DGKB: variants seen among roughly 807,000 people sequenced by gnomAD.
DGKB encodes the protein diacylglycerol kinase beta, also known as 90 kDa diacylglycerol kinase.
Under a neutral mutation model 114.3 loss-of-function variants are expected in DGKB, and 67 were observed. That is an observed-to-expected ratio of 0.59 (90% CI 0.48 to 0.72). The LOEUF is 0.72. Ranked by LOEUF, DGKB falls within the 30% of genes least tolerant of loss-of-function variation. The pLI, the probability that DGKB is intolerant of heterozygous loss-of-function variation, is 0.00. For missense variants in DGKB, 907 were observed against 975.2 expected (o/e 0.93, Z 0.93); for synonymous variants, 398 against 323.1 (o/e 1.23, Z -2.49).
chr7:14,853,866 TCAAAAAAAAAA>T (rs1849742376), intron 1 of DGKB, among the ~76,000 whole-genome samples: 1 of 24,678 alleles, frequency 4.1e-5, no homozygotes, highest in African/African-American at 1.8e-4. Context: ...AGACTCCGTC[TCAAAAAAAAAA>T]AAAAAAAAAA....
At chr7:14,230,062 T>C (rs1423425817) in intron 23 of DGKB, among the ~76,000 whole-genome samples, 1 of 152,006 alleles carries the variant, frequency 6.6e-6, no homozygotes, top group Non-Finnish European at 1.5e-5. Flanking sequence ...CATCCTTTTT[T>C]TCTACTGTTG....
intron 13 of DGKB, among the ~76,000 whole-genome samples, chr7:14,638,631 A>G (rs1478267031): frequency 1.3e-5 from 2 of 152,176 alleles, no homozygotes; most frequent in African/African-American, 4.8e-5. Flanking sequence ...AGTGATAAGA[A>G]TAATGGGGGT....
At chr7:14,260,087 T>TACACAC (rs60392482) in intron 23 of DGKB, among the ~76,000 whole-genome samples, 2 of 150,900 alleles carry the variant, frequency 1.3e-5, no homozygotes, top group African/African-American at 4.9e-5. Flanking sequence ...TACATATGTG[T>TACACAC]ACACACACAC....
intron 9 of DGKB, among the ~76,000 whole-genome samples, chr7:14,690,028 G>A (rs1052730582): frequency 2.6e-5 from 4 of 152,182 alleles, no homozygotes; most frequent in African/African-American, 9.6e-5. Flanking sequence ...CAGGCTAGAT[G>A]TGGGTACAAC....
intron 9 of DGKB, among the ~76,000 whole-genome samples, chr7:14,692,691 ATATAT>A (rs1823086954): frequency 1.3e-5 from 2 of 150,774 alleles, no homozygotes; most frequent in Admixed American, 6.6e-5. Flanking sequence ...ACAATAATAT[ATATAT>A]TATATTTTGT....
intron 19 of DGKB, among the ~76,000 whole-genome samples, chr7:14,580,621 C>T (rs940098070): frequency 6.6e-6 from 1 of 152,154 alleles, no homozygotes; most frequent in African/African-American, 2.4e-5. Flanking sequence ...TGTTTGGAAA[C>T]TTGACCTCCT....
intron 1 of DGKB, among the ~76,000 whole-genome samples, chr7:14,933,336 G>A (rs565662580): frequency 6.6e-5 from 10 of 152,202 alleles, no homozygotes; most frequent in African/African-American, 2.2e-4. Flanking sequence ...CTCTGTAACT[G>A]CAAATTGGAT....
intron 4 of DGKB, among the ~76,000 whole-genome samples, chr7:14,737,926 A>T (rs1312850662): frequency 6.6e-6 from 1 of 151,822 alleles, no homozygotes; most frequent in Non-Finnish European, 1.5e-5. Flanking sequence ...TGTCAATTCT[A>T]GTAGTAGAGT....
chr7:14,280,526 C>T (rs1799778221), intron 23 of DGKB, among the ~76,000 whole-genome samples: 2 of 148,316 alleles, frequency 1.3e-5, no homozygotes, highest in African/African-American at 4.9e-5. Flanking sequence ...AAAGATACTC[C>T]TCGAGAAGAG....
At chr7:14,912,229 T>G (rs1239855208) in intron 1 of DGKB, among the ~76,000 whole-genome samples, 11 of 152,302 alleles carry the variant, frequency 7.2e-5, no homozygotes, top group African/African-American at 2.6e-4. Context: ...AACATCCTCA[T>G]ATGTTTCATA....
In DGKB at chr7:14,738,015, G is replaced by C. The variant is rs1451103239; in HGVS notation, c.169-1821C>G. ...AGGTAGGAGAAGTACTTCCAAAAAA[G>C]CAATTTGCTACAATGAATTCAGCCA... On this transcript the variant is annotated intron_variant, in intron 4 of 25. Coordinates refer to ENST00000402815, the MANE Select transcript of DGKB (RefSeq NM_001350709.2). Among the ~76,000 whole-genome samples the C allele has an allele frequency of 2.6e-5, 4 of 151,900 alleles. No homozygotes were observed. The East Asian group carries it at 7.7e-4, about 29-fold the overall frequency.
At chr7:14,353,880 A>G (rs1813960228) in intron 21 of DGKB, among the ~76,000 whole-genome samples, 1 of 152,166 alleles carries the variant, frequency 6.6e-6, no homozygotes, top group Non-Finnish European at 1.5e-5. Context: ...TCCTCATCTG[A>G]CTTGCTGTCC....
intron 23 of DGKB, among the ~76,000 whole-genome samples, chr7:14,257,902 T>A (rs1796179098): frequency 6.6e-6 from 1 of 152,042 alleles, no homozygotes; most frequent in Non-Finnish European, 1.5e-5. Context: ...AATTTTTGTA[T>A]TTTTTAACAG....
intron 1 of DGKB, among the ~76,000 whole-genome samples, chr7:14,917,368 G>C (rs1159835011): frequency 6.6e-6 from 1 of 151,976 alleles, no homozygotes; most frequent in Non-Finnish European, 1.5e-5. Flanking sequence ...TAAAATTAGT[G>C]AACTTCTAGC....
At chr7:14,910,196 G>A (rs1783912227) in intron 1 of DGKB, among the ~76,000 whole-genome samples, 1 of 150,992 alleles carries the variant, frequency 6.6e-6, no homozygotes, top group South Asian at 2.1e-4. Flanking sequence ...ATCCGAGATT[G>A]CGTCATTGCA....
At chr7:14,745,812 A>C (rs2128420918) in intron 4 of DGKB, among the ~76,000 whole-genome samples, 1 of 152,164 alleles carries the variant, frequency 6.6e-6, no homozygotes, top group Middle Eastern at 3.4e-3. Flanking sequence ...TCGCATGCTT[A>C]ATTTTTCCTG....
intron 1 of DGKB, among the ~76,000 whole-genome samples, chr7:14,941,464 G>T (rs755806299): frequency 3.3e-5 from 5 of 152,026 alleles, no homozygotes; most frequent in Non-Finnish European, 7.4e-5. Context: ...TTGTTATCCT[G>T]AGGTCCATGG....
intron 23 of DGKB, among the ~76,000 whole-genome samples, chr7:14,204,468 A>G (rs1464263757): frequency 6.6e-6 from 1 of 152,042 alleles, no homozygotes; most frequent in Non-Finnish European, 1.5e-5. Context: ...TCTCTGGCTA[A>G]ATCACTAACC....
chr7:14,247,959 C>T (rs1794717671), intron 23 of DGKB, among the ~76,000 whole-genome samples: 1 of 152,008 alleles, frequency 6.6e-6, no homozygotes, highest in South Asian at 2.1e-4. Context: ...CTGATGTTTT[C>T]TTCTAGCAGT....
Sources: allele counts gnomAD v4.1 joint callset (sites outside exome capture counted in the v4.1 genomes callset), GRCh38; gene constraint gnomAD v4.1.1; transcripts MANE v1.5; gene names NCBI Gene and HGNC (gene_info 2026-07-23, HGNC 2026-07-21).